Variants in FER observed in about 807,000 individuals in gnomAD.
FER encodes tyrosine-protein kinase Fer.
In FER, 63 loss-of-function variants were observed where a neutral mutation model predicts 111.0. The observed-to-expected ratio is 0.57, with a 90% CI of 0.46 to 0.70. The LOEUF is 0.70. Among genes scored for constraint, FER ranks in the 30% least tolerant of loss-of-function variants. The pLI, the probability that FER is intolerant of heterozygous loss-of-function variation, is 0.00. For synonymous variants in FER, 327 were observed against 313.9 expected (o/e 1.04, Z -0.44); for missense variants, 914 against 954.0 (o/e 0.96, Z 0.55).
chr5:109,051,548 C>T (rs1477742527), intron 16 of FER: 1 of 1,611,150 alleles, frequency 6.2e-7, no homozygotes, highest in African/African-American at 1.3e-5. Flanking sequence ...TGCTCACTTG[C>T]TTGCTTGTCG....
chr5:108,771,570 C>G (rs1276028956), intron 2 of FER, among the ~76,000 whole-genome samples: 1 of 152,146 alleles, frequency 6.6e-6, no homozygotes, highest in East Asian at 1.9e-4. Flanking sequence ...ATGCTTCAAA[C>G]TGGTCTCCTC....
chr5:108,845,055 T>G (rs1254710763), intron 5 of FER, among the ~76,000 whole-genome samples: 1 of 53,502 alleles, frequency 1.9e-5, no homozygotes, highest in South Asian at 6.3e-4. Context: ...TATATATATA[T>G]ATATATATAT....
At chr5:108,907,878 T>C (rs572127259) in intron 10 of FER, among the ~76,000 whole-genome samples, 3 of 152,196 alleles carry the variant, frequency 2.0e-5, no homozygotes, top group South Asian at 2.1e-4. Flanking sequence ...CATCAATTGA[T>C]TGACACCCAA....
chr5:109,150,625 A>G (rs549225224), intron 17 of FER, among the ~76,000 whole-genome samples: 3 of 152,334 alleles, frequency 2.0e-5, no homozygotes, highest in African/African-American at 7.2e-5. Context: ...GCTAGCTCTT[A>G]TAAGAGGAAA....
chr5:108,985,430 T>C (rs1762460414), intron 13 of FER, among the ~76,000 whole-genome samples: 1 of 152,152 alleles, frequency 6.6e-6, no homozygotes, highest in Admixed American at 6.5e-5. Flanking sequence ...AAAAGTTTTT[T>C]TTTCTCTCTT....
intron 17 of FER, among the ~76,000 whole-genome samples, chr5:109,101,969 CTT>C (rs1309989376): frequency 6.6e-6 from 1 of 152,070 alleles, no homozygotes; most frequent in East Asian, 1.9e-4. Context: ...ATTATTGAAA[CTT>C]TTTTTAATTT....
intron 13 of FER, 82 bp downstream of exon 13, chr5:108,959,429 T>G: frequency 7.1e-7 from 1 of 1,412,684 alleles, no homozygotes. Flanking sequence ...AATAAAATTC[T>G]TAGGTTATAT....
intron 5 of FER, among the ~76,000 whole-genome samples, chr5:108,856,310 C>G (rs1309549418): frequency 2.6e-5 from 4 of 152,078 alleles, no homozygotes; most frequent in Non-Finnish European, 4.4e-5. Context: ...AGGTACAAAC[C>G]ATTAAGTATA....
chr5:108,845,063 TATATAC>T (rs1414065386), intron 5 of FER, among the ~76,000 whole-genome samples: 15 of 60,892 alleles, frequency 2.5e-4, no homozygotes, highest in African/African-American at 5.8e-4. Context: ...TATATATATA[TATATAC>T]ACACACACAC....
At chr5:109,067,420 G>A in intron 16 of FER, among the ~76,000 whole-genome samples, 1 of 151,908 alleles carries the variant, frequency 6.6e-6, no homozygotes. Flanking sequence ...ATTTTTGTTT[G>A]TTTAGTTCTG....
chr5:108,818,748 A>G (rs1185082043), intron 3 of FER, among the ~76,000 whole-genome samples: 2 of 152,146 alleles, frequency 1.3e-5, no homozygotes, highest in African/African-American at 4.8e-5. Context: ...TTAGTTAGAA[A>G]GGCAGTTACA....
chr5:108,790,054 A>G (rs1755174991), intron 2 of FER, among the ~76,000 whole-genome samples: 1 of 152,178 alleles, frequency 6.6e-6, no homozygotes, highest in African/African-American at 2.4e-5. Flanking sequence ...CGTTGGGTGC[A>G]ATGGCTTGTG....
chr5:108,932,669 A>G (rs1581259843), intron 10 of FER, among the ~76,000 whole-genome samples: 1 of 152,188 alleles, frequency 6.6e-6, no homozygotes, highest in East Asian at 1.9e-4. Context: ...GTTTCTCTAC[A>G]TCCTCTCCAG....
At chr5:108,925,867 G>T (rs938197032) in intron 10 of FER, among the ~76,000 whole-genome samples, 10 of 151,756 alleles carry the variant, frequency 6.6e-5, no homozygotes, top group Admixed American at 2.0e-4. Context: ...AATATTAGAG[G>T]ATATTGAATC....
intron 10 of FER, among the ~76,000 whole-genome samples, chr5:108,914,229 C>G (rs1422415201): frequency 7.3e-6 from 1 of 137,832 alleles, no homozygotes; most frequent in Non-Finnish European, 1.6e-5. Flanking sequence ...TAACTTGTCT[C>G]TCTGTGTGTG....
At chr5:108,787,313 C>T (rs546014893) in intron 2 of FER, among the ~76,000 whole-genome samples, 5 of 152,284 alleles carry the variant, frequency 3.3e-5, no homozygotes, top group African/African-American at 1.2e-4. Flanking sequence ...TATCGACAAG[C>T]GTAGGAGGGG....
chr5:108,948,369 TG>T (rs1757285452), intron 11 of FER, among the ~76,000 whole-genome samples: 2 of 152,114 alleles, frequency 1.3e-5, no homozygotes, highest in African/African-American at 4.8e-5. Flanking sequence ...TAATATTTTT[TG>T]TTATGATCAG....
intron 5 of FER, among the ~76,000 whole-genome samples, chr5:108,836,249 A>T (rs867767869): frequency 3.3e-5 from 5 of 152,118 alleles, no homozygotes; most frequent in South Asian, 4.1e-4. Flanking sequence ...ATGTGTCTAT[A>T]TTGCCCTAAA....
At chr5:109,025,928 A>G (rs1458066586) in intron 13 of FER, among the ~76,000 whole-genome samples, 1 of 152,208 alleles carries the variant, frequency 6.6e-6, no homozygotes, top group African/African-American at 2.4e-5. Context: ...AAGGGTCTGT[A>G]TCAGCATTTT....
Sources: gnomAD v4.1 joint callset for allele counts (sites outside exome capture counted in the v4.1 genomes callset) on GRCh38, gnomAD v4.1.1 for gene constraint, MANE v1.5 for transcripts, NCBI Gene and HGNC (gene_info 2026-07-23, HGNC 2026-07-21) for gene names.